Variants in CAND2 observed in about 807,000 individuals in gnomAD.
The protein encoded by CAND2 is cullin associated and neddylation dissociated 2 (putative), also known as cullin-associated NEDD8-dissociated protein 2.
Under a neutral mutation model 98.9 loss-of-function variants are expected in CAND2, and 62 were observed. The observed-to-expected ratio is 0.63, with a 90% CI of 0.51 to 0.77. The LOEUF is 0.77. Ranked by LOEUF, CAND2 falls within the 30% of genes least tolerant of loss-of-function variation. CAND2 has a pLI of 0.00. For missense variants in CAND2, 1,501 were observed against 1,655.2 expected (o/e 0.91, Z 1.62); for synonymous variants, 770 against 731.9 (o/e 1.05, Z -0.84).
At chr3:12,825,699 AC>A in intron 12 of CAND2, 60 bp downstream of exon 12, 1 of 1,448,588 alleles carries the variant, frequency 6.9e-7, no homozygotes, top group Non-Finnish European at 9.5e-7. Context: ...CTCATGCCTC[AC>A]TGTTAGGGCA....
intron 13 of CAND2, 96 bp downstream of exon 13, chr3:12,827,700 C>A: frequency 8.5e-7 from 1 of 1,173,832 alleles, no homozygotes; most frequent in Non-Finnish European, 1.2e-6. Context: ...CTCCCTACTC[C>A]AGGCACCCAA....
At chr3:12,806,371 C>G (rs1168549540) in intron 2 of CAND2, among the ~76,000 whole-genome samples, 1 of 152,098 alleles carries the variant, frequency 6.6e-6, no homozygotes, top group Non-Finnish European at 1.5e-5. Context: ...TTGTTGAAAC[C>G]CTGTATTCCC....
At chr3:12,797,715 C>T (rs1462051863) in intron 1 of CAND2, among the ~76,000 whole-genome samples, 1 of 152,010 alleles carries the variant, frequency 6.6e-6, no homozygotes, top group African/African-American at 2.4e-5. Flanking sequence ...TTCACTTTGT[C>T]CCCATTTTAC....
At position 12,817,008 on chromosome 3, in the gene CAND2, G is replaced by T. The variant is rs760477255; in HGVS notation, c.2076G>T (p.Val692=). The T allele has an allele frequency of 1.2e-6, 2 of 1,612,940 alleles. No individual in the cohort carries two copies. The highest frequency in any genetic ancestry group is 1.7e-6 in the Non-Finnish European group (2 of 1,179,922). The change falls in exon 10 of 15, where the codon GTG becomes GTT. Residue 692 remains valine (V), a synonymous_variant. Transcript: ENST00000456430. ...SQGLSLPPSA[V]QAVLAELPAL... Reference sequence around the variant, plus strand: ...GCCTCAGCCTCCCACCGTCTGCCGTGCAGGCCGTGCTGGCTGAGCTGCCTG... The same window carrying T: ...GCCTCAGCCTCCCACCGTCTGCCGTTCAGGCCGTGCTGGCTGAGCTGCCTG...
At chr3:12,818,668 C>G (rs745653889) in intron 10 of CAND2, among the ~76,000 whole-genome samples, 27 of 152,360 alleles carry the variant, frequency 1.8e-4, no homozygotes, top group African/African-American at 6.0e-4. Flanking sequence ...AGTGGATGCT[C>G]TGCTTGACAG....
At chr3:12,831,714 A>C (rs1422713984) in intron 14 of CAND2, 142 bp downstream of exon 14, 3 of 603,188 alleles carry the variant, frequency 5.0e-6, no homozygotes, top group Non-Finnish European at 8.9e-6. Flanking sequence ...TCATTGCCCT[A>C]TAAAGTACCT....
At position 12,817,611 on chromosome 3, in the gene CAND2, G is replaced by A; in HGVS notation, c.2679G>A (p.Leu893=). ...TGGGCCGTGTGGGTGCTGGCAGCCT[G>A]CCCGACTTCCTGCCCTTCCTGCTGG... is the stretch of plus-strand genomic sequence containing the variant. The part of the protein sequence containing the change: ...YALGRVGAGS[L]PDFLPFLLEQ... The change falls in exon 10 of 15, where the codon CTG becomes CTA. Residue 893 remains leucine (L), a synonymous_variant. Transcript: ENST00000456430. 1 of 1,613,696 alleles carries A rather than the reference G, an allele frequency of 6.2e-7. No individual in the cohort carries two copies. Among genetic ancestry groups the A allele is most frequent in the Non-Finnish European group, 8.5e-7 (1 of 1,180,006 alleles).
intron 13 of CAND2, among the ~76,000 whole-genome samples, chr3:12,829,977 C>CA (rs1372666563): frequency 2.0e-5 from 3 of 152,190 alleles, no homozygotes; most frequent in Admixed American, 2.0e-4. Flanking sequence ...CACCCTGGTG[C>CA]ATTACTGTGA....
At chr3:12,805,506 T>C (rs1382118845) in intron 2 of CAND2, among the ~76,000 whole-genome samples, 2 of 152,084 alleles carry the variant, frequency 1.3e-5, no homozygotes, top group Non-Finnish European at 2.9e-5. Context: ...CAGGCTGGTC[T>C]TGAACTCCTG....
chr3:12,821,052 G>A (rs542194619), intron 11 of CAND2, among the ~76,000 whole-genome samples: 11 of 152,228 alleles, frequency 7.2e-5, no homozygotes, highest in Non-Finnish European at 1.3e-4. Flanking sequence ...TGGCCAACAC[G>A]GTGAAACCCT....
chr3:12,814,007 C>T (rs2061876228), intron 7 of CAND2, among the ~76,000 whole-genome samples: 1 of 152,160 alleles, frequency 6.6e-6, no homozygotes, highest in African/African-American at 2.4e-5. Flanking sequence ...GTACTTGGAA[C>T]AAGATGGGAT....
intron 1 of CAND2, among the ~76,000 whole-genome samples, chr3:12,797,494 T>G (rs2061735096): frequency 6.6e-6 from 1 of 151,774 alleles, no homozygotes; most frequent in Admixed American, 6.6e-5. Flanking sequence ...CCTTCCCCAC[T>G]CCCTTTTTCC....
intron 1 of CAND2, among the ~76,000 whole-genome samples, chr3:12,802,081 A>G (rs1310984991): frequency 6.6e-6 from 1 of 152,176 alleles, no homozygotes; most frequent in African/African-American, 2.4e-5. Flanking sequence ...TAATCCTAGC[A>G]TTTTGGGAGG....
intron 12 of CAND2, among the ~76,000 whole-genome samples, chr3:12,826,338 G>A (rs931051289): frequency 6.6e-6 from 1 of 152,196 alleles, no homozygotes; most frequent in African/African-American, 2.4e-5. Context: ...CAGCATTGAG[G>A]CCCTTTAAGC....
Position 12,817,266 on chromosome 3 carries a change from C to T in CAND2, c.2334C>T (p.Ile778=), listed in dbSNP as rs778396274. ...CGTGTGTGGACTATGCCAAACTCAT[C>T]AGCCTGCTCACTGCGCCTGTTTATG... ...RPPCVDYAKL[I]SLLTAPVYEQ... Residue 778 remains isoleucine (I), a synonymous_variant, in exon 10 of 15, where the codon ATC becomes ATT. Transcript: ENST00000456430. 6.2e-7 allele frequency: 1 copy of T among 1,613,992 alleles called. No homozygotes were observed. Among genetic ancestry groups the T allele is most frequent in the Non-Finnish European group, 8.5e-7 (1 of 1,180,042 alleles).
At chr3:12,810,423 C>T (rs1343133671) in intron 5 of CAND2, 99 bp downstream of exon 5, 1 of 1,224,642 alleles carries the variant, frequency 8.2e-7, no homozygotes, top group Non-Finnish European at 1.1e-6. Context: ...CGCAGTGCAG[C>T]CAGGGCCTAA....
At position 12,815,535 on chromosome 3, in the gene CAND2, C is replaced by T. The variant is rs1399892576; in HGVS notation, c.1299+102C>T. ...AAACTCAGCTGGGAGAACATCCAGC[C>T]ATGGAAGGGAAGGGAAGGGGTCCCT... On this transcript the variant is annotated intron_variant, in intron 8 of 14. Coordinates refer to ENST00000456430, the MANE Select transcript of CAND2 (RefSeq NM_001162499.2). The surrounding 1 kb of genome is among the most constrained non-coding windows in gnomAD (Gnocchi z 5.7). 2 of 1,265,996 alleles carry T rather than the reference C, an allele frequency of 1.6e-6. No individual in the cohort carries two copies. The highest frequency in any genetic ancestry group is 1.5e-5 in the South Asian group (1 of 66,742). The allele number at this position is 1,265,996 out of a possible 1,614,324, so 78.4% of individuals were successfully genotyped here. A position where few individuals can be genotyped will look rare whatever the true frequency, so the allele number is the denominator to read the frequency against.
In CAND2 at chr3:12,816,771, G is replaced by A. The variant is rs767851676; in HGVS notation, c.1839G>A (p.Thr613=). The stretch of plus-strand genomic sequence containing the variant: ...GGCTTGGGGATGACCTGGAGCCCAC[G>A]TTACTGCTCCTCCTGGACCGCCTGC... ...GDRLGDDLEP[T]LLLLLDRLRN... The change falls in exon 10 of 15, where the codon ACG becomes ACA. Residue 613 remains threonine (T), a synonymous_variant. Coordinates refer to ENST00000456430, the MANE Select transcript of CAND2 (RefSeq NM_001162499.2). 1.2e-5 allele frequency: 19 copies of A among 1,613,448 alleles called. No individual in the cohort carries two copies. Among genetic ancestry groups the A allele is most frequent in the East Asian group, 4.5e-5 (2 of 44,898 alleles).
rs1347594083 is a variant in CAND2 at position 12,817,173 on chromosome 3, CCT to C, written c.2242_2243del (p.Leu748ValfsTer10). 2.5e-6 allele frequency: 4 copies of C among 1,613,016 alleles called. No homozygotes were observed. The highest frequency in any genetic ancestry group is 1.6e-4 in the Middle Eastern group (1 of 6,080). Reference sequence around the variant, plus strand: ...AGCTGCTGCGGCTGCTGCGTTCGCCCCTGTTGCCAGCCGGGGTTCTGGCAGCT... The same window carrying C: ...AGCTGCTGCGGCTGCTGCGTTCGCCCGTTGCCAGCCGGGGTTCTGGCAGCT... ...SELLRLLRSP[L>X]LPAGVLAAAE... is the part of the protein sequence containing the mutation. On this transcript the variant is annotated frameshift_variant, in exon 10 of 15. Transcript: ENST00000456430. LOFTEE classifies it high-confidence loss of function.
Sources: gnomAD v4.1 joint callset for allele counts (sites outside exome capture counted in the v4.1 genomes callset) on GRCh38, gnomAD v4.1.1 for gene constraint, Gnocchi (gnomAD v3.1) non-coding constraint, MANE v1.5 for transcripts, NCBI Gene and HGNC (gene_info 2026-07-23, HGNC 2026-07-21) for gene names.